Variants in ESR1 observed in about 807,000 individuals in gnomAD.
ESR1 encodes the protein estrogen receptor.
ESR1 carries 12 observed loss-of-function variants against 52.7 expected under a neutral mutation model. The ratio of observed to expected loss-of-function variants is 0.23; its 90% CI spans 0.15 to 0.37. ESR1 has a LOEUF of 0.37. Ranked by LOEUF, ESR1 falls within the 10% of genes least tolerant of loss-of-function variation. The probability of loss-of-function intolerance (pLI) is 1.00; values close to 1 mark genes in which losing one functional copy is unlikely to be tolerated. For missense variants in ESR1, 584 were observed against 779.7 expected (o/e 0.75, Z 2.99); for synonymous variants, 305 against 316.8 (o/e 0.96, Z 0.39).
At chr6:152,120,887 T>C (rs1005698422) in intron 6 of ESR1, among the ~76,000 whole-genome samples, 3 of 152,134 alleles carry the variant, frequency 2.0e-5, no homozygotes, top group African/African-American at 7.2e-5. Context: ...AAATACTCAA[T>C]TTAGAGCAGG....
At chr6:151,767,029 A>G (rs9478239) in intron 2 of ESR1, among the ~76,000 whole-genome samples, 261 of 152,318 alleles carry the variant, frequency 1.7e-3, no homozygotes, top group Non-Finnish European at 3.2e-3. Flanking sequence ...AGAAATGAAA[A>G]TATGGTTTCA....
intron 4 of ESR1, among the ~76,000 whole-genome samples, chr6:152,008,677 G>A (rs544483019): frequency 1.1e-4 from 17 of 152,146 alleles, no homozygotes; most frequent in Non-Finnish European, 1.8e-4. Context: ...ATCATCCTGC[G>A]TGATTCTTTT....
At chr6:151,817,911 C>T (rs1779938788) in intron 1 of ESR1, among the ~76,000 whole-genome samples, 1 of 152,116 alleles carries the variant, frequency 6.6e-6, no homozygotes, top group Admixed American at 6.5e-5. Flanking sequence ...CTATAAAATC[C>T]CAAATATCAG....
At chr6:151,717,702 T>A (rs1222686715) in intron 2 of ESR1, among the ~76,000 whole-genome samples, 1 of 152,222 alleles carries the variant, frequency 6.6e-6, no homozygotes, top group East Asian at 1.9e-4. Context: ...CTTCTTCCAC[T>A]TTTTTATATT....
At position 151,659,480 on chromosome 6, in the gene ESR1, A is replaced by G. The variant is rs1211003574; in HGVS notation, n.73+2717A>G. Among the ~76,000 whole-genome samples the G allele has an allele frequency of 2.6e-5, 4 of 152,212 alleles. No homozygotes were observed. In the East Asian group the frequency reaches 7.7e-4, roughly 29 times the overall value. ...TGATTGTCCAATGATGCAAATCTCC[A>G]GTCCTTTTTAGCACTGAGTTTCTCA... On this transcript the variant is annotated intron_variant and non_coding_transcript_variant, in intron 1 of 2. Coordinates refer to the ESR1 transcript ENST00000473497.
chr6:152,001,884 G>T (rs571441564), intron 4 of ESR1, among the ~76,000 whole-genome samples: 5 of 152,040 alleles, frequency 3.3e-5, no homozygotes, highest in Admixed American at 2.6e-4. Context: ...AGTCTTTTCT[G>T]AATTAACCCC....
intron 2 of ESR1, among the ~76,000 whole-genome samples, chr6:151,868,398 G>A (rs763690580): frequency 2.0e-4 from 30 of 152,162 alleles, no homozygotes; most frequent in Non-Finnish European, 4.0e-4. Context: ...AAAGTGGTGG[G>A]ATTACAGGCG....
chr6:151,924,914 T>C lies in ESR1; in HGVS notation c.761-19259T>C, dbSNP rs144308153. Among the ~76,000 whole-genome samples the C allele has an allele frequency of 1.2e-4, 18 of 152,340 alleles. No homozygotes were observed. In the East Asian group the frequency reaches 3.1e-3, roughly 26 times the overall value. ...TTTGCTATTGTGAATGGTGTTGCAA[T>C]GAACCTACATGTGCATGTGTCTTTA... On this transcript the variant is annotated intron_variant, in intron 3 of 7. Transcript: ENST00000206249.
intron 2 of ESR1, among the ~76,000 whole-genome samples, chr6:151,857,663 G>A (rs1264783334): frequency 6.6e-6 from 1 of 152,040 alleles, no homozygotes; most frequent in Non-Finnish European, 1.5e-5. Context: ...CTAGTAGCTG[G>A]GATTACAGGC....
chr6:151,688,861 C>T (rs1778789782), upstream of ESR1, among the ~76,000 whole-genome samples: 1 of 152,024 alleles, frequency 6.6e-6, no homozygotes, highest in African/African-American at 2.4e-5. Context: ...ATATCCCAAC[C>T]CTAATACTAA....
chr6:152,087,795 G>C (rs1442617436), intron 6 of ESR1, among the ~76,000 whole-genome samples: 2 of 152,192 alleles, frequency 1.3e-5, no homozygotes, highest in Non-Finnish European at 2.9e-5. Flanking sequence ...ACAATACAAA[G>C]AAGCTAAGAT....
chr6:151,938,128 T>C (rs2034593259), intron 3 of ESR1, among the ~76,000 whole-genome samples: 2 of 152,222 alleles, frequency 1.3e-5, no homozygotes, highest in South Asian at 4.1e-4. Context: ...AAAGTGATTA[T>C]GCAAATGTTT....
chr6:151,920,847 G>A (rs761978954), intron 3 of ESR1, among the ~76,000 whole-genome samples: 5 of 152,008 alleles, frequency 3.3e-5, no homozygotes, highest in Admixed American at 6.6e-5. Flanking sequence ...GTATTTGTCA[G>A]GTTTCTGTAT....
At chr6:151,670,740 C>G (rs1054997404) in intron 1 of ESR1, among the ~76,000 whole-genome samples, 2 of 150,408 alleles carry the variant, frequency 1.3e-5, no homozygotes, top group African/African-American at 4.9e-5. Context: ...TGCGCCGTTA[C>G]ACCCAGCTAA....
In ESR1 at chr6:151,998,434, T is replaced by C. The variant is rs79295623; in HGVS notation, c.1097-13222T>C. On this transcript the variant is annotated intron_variant, in intron 4 of 7. Transcript: ENST00000206249. ...ACTCAGAATCCTTTTTGAATATCAG[T>C]TTTGTGAAAAGCACCGTGCTGGGTT... 2.0e-4 allele frequency among the ~76,000 whole-genome samples: 30 copies of C among 152,136 alleles called. No individual in the cohort carries two copies. The East Asian group carries it at 5.1e-3, about 26-fold the overall frequency.
intron 2 of ESR1, among the ~76,000 whole-genome samples, chr6:151,879,166 G>C (rs1292945178): frequency 6.6e-6 from 1 of 152,196 alleles, no homozygotes; most frequent in African/African-American, 2.4e-5. Flanking sequence ...TGCAGCCTGA[G>C]AGGCAGAAGG....
chr6:151,835,164 T>G (rs1025377044), intron 1 of ESR1, among the ~76,000 whole-genome samples: 4 of 152,100 alleles, frequency 2.6e-5, no homozygotes, highest in African/African-American at 9.7e-5. Context: ...ATGCTTCTAC[T>G]AGATCATAGG....
At chr6:151,971,951 A>G (rs1236823127) in intron 4 of ESR1, among the ~76,000 whole-genome samples, 2 of 152,150 alleles carry the variant, frequency 1.3e-5, no homozygotes, top group Non-Finnish European at 1.5e-5. Flanking sequence ...AATAAGCTCA[A>G]TTAGAAACGA....
chr6:151,959,245 C>G (rs1034198287), intron 4 of ESR1, among the ~76,000 whole-genome samples: 4 of 152,136 alleles, frequency 2.6e-5, no homozygotes, highest in African/African-American at 9.7e-5. Flanking sequence ...TGGGTTGTCT[C>G]TTCCATCTTT....
Sources: gnomAD v4.1 joint callset for allele counts (sites outside exome capture counted in the v4.1 genomes callset) on GRCh38, gnomAD v4.1.1 for gene constraint, MANE v1.5 for transcripts, NCBI Gene and HGNC (gene_info 2026-07-23, HGNC 2026-07-21) for gene names.